DESI2: variants seen among roughly 807,000 people sequenced by gnomAD.
DESI2 encodes the protein desumoylating isopeptidase 2, also known as deubiquitinase DESI2.
Under a neutral mutation model 24.1 loss-of-function variants are expected in DESI2, and 10 were observed. That is an observed-to-expected ratio of 0.41 (90% CI 0.26 to 0.70). The LOEUF is 0.70. Among genes scored for constraint, DESI2 ranks in the 30% least tolerant of loss-of-function variants. DESI2 has a pLI of 0.29. For missense variants in DESI2, 122 were observed against 234.9 expected (o/e 0.52, Z 3.14); for synonymous variants, 71 against 87.7 (o/e 0.81, Z 1.06).
Position 244,705,860 on chromosome 1 carries a change from AG to A in DESI2, c.*72del. On this transcript the variant is annotated 3_prime_UTR_variant, in exon 5 of 5. Coordinates refer to ENST00000302550, the MANE Select transcript of DESI2 (RefSeq NM_016076.5). ...ATCACTAGAGAAAAGTAAACAGAGAAGCATCCTTTAGATATTTTGTATGCAA... is the reference window on the plus strand; with the variant it reads ...ATCACTAGAGAAAAGTAAACAGAGAACATCCTTTAGATATTTTGTATGCAA... The A allele has an allele frequency of 9.3e-7, 1 of 1,071,084 alleles. No homozygotes were observed. Among genetic ancestry groups the A allele is most frequent in the Non-Finnish European group, 1.4e-6 (1 of 737,694 alleles). 66.3% of individuals were successfully genotyped at this position (1,071,084 alleles called of 1,614,324 possible).
At chr1:244,668,711 T>G (rs1214665128) in intron 1 of DESI2, among the ~76,000 whole-genome samples, 2 of 152,206 alleles carry the variant, frequency 1.3e-5, no homozygotes, top group African/African-American at 2.4e-5. Flanking sequence ...ATTAAACTGA[T>G]GAGGGGCAAA....
At chr1:244,655,250 A>C (rs1336813305) in intron 1 of DESI2, among the ~76,000 whole-genome samples, 1 of 152,250 alleles carries the variant, frequency 6.6e-6, no homozygotes, top group Non-Finnish European at 1.5e-5. Flanking sequence ...AGAGTAAGTG[A>C]TCTGCCTAAA....
chr1:244,654,785 C>T (rs893215995), intron 1 of DESI2, among the ~76,000 whole-genome samples: 1 of 152,186 alleles, frequency 6.6e-6, no homozygotes. Flanking sequence ...CTTTTACTTT[C>T]TCTGTGCACA....
At chr1:244,673,989 C>CT (rs143887006) in intron 1 of DESI2, among the ~76,000 whole-genome samples, 64 of 73,192 alleles carry the variant, frequency 8.7e-4, no homozygotes, top group African/African-American at 3.3e-3. Context: ...ACTTCTGTCT[C>CT]TTTTTTTTTT....
intron 2 of DESI2, among the ~76,000 whole-genome samples, chr1:244,688,263 A>G (rs1676890890): frequency 6.6e-6 from 1 of 152,220 alleles, no homozygotes; most frequent in South Asian, 2.1e-4. Context: ...TAAGAATCCA[A>G]ATATAATCTT....
At chr1:244,653,992 G>A (rs912287362) in intron 1 of DESI2, 7 of 471,092 alleles carry the variant, frequency 1.5e-5, no homozygotes, top group Non-Finnish European at 3.1e-5. Context: ...TCCTGGTGGT[G>A]CTCCTTTCCT....
intron 1 of DESI2, among the ~76,000 whole-genome samples, chr1:244,660,353 A>G (rs894582755): frequency 6.6e-6 from 1 of 152,122 alleles, no homozygotes; most frequent in African/African-American, 2.4e-5. Flanking sequence ...TTTTTAGTAG[A>G]GGCAGGGTTT....
chr1:244,703,581 T>G (rs1056334114), intron 4 of DESI2, among the ~76,000 whole-genome samples: 6 of 151,740 alleles, frequency 4.0e-5, no homozygotes, highest in Non-Finnish European at 7.4e-5. Context: ...GAACTCCTGG[T>G]CTCAAGTAAT....
At position 244,705,824 on chromosome 1, in the gene DESI2, G is replaced by T; in HGVS notation, c.*35G>T. On this transcript the variant is annotated 3_prime_UTR_variant, in exon 5 of 5. Transcript: ENST00000302550. ...AAGTCACACATTCAGAACTGTCTCT[G>T]GCAGTCGAATATCACTAGAGAAAAG... The T allele has an allele frequency of 6.7e-7, 1 of 1,482,034 alleles. No individual in the cohort carries two copies. 91.8% of individuals were successfully genotyped at this position (1,482,034 alleles called of 1,614,324 possible).
chr1:244,660,733 ATAAAT>A (rs1675812666), intron 1 of DESI2, among the ~76,000 whole-genome samples: 1 of 152,234 alleles, frequency 6.6e-6, no homozygotes, highest in Non-Finnish European at 1.5e-5. Flanking sequence ...CTTAAAAACA[ATAAAT>A]TAAAAATCAA....
At chr1:244,694,653 G>A in intron 4 of DESI2, 1 of 803,180 alleles carries the variant, frequency 1.2e-6, no homozygotes, top group Non-Finnish European at 2.3e-6. Flanking sequence ...GTAGGCCTTA[G>A]AGCCACAGCA....
chr1:244,655,945 G>A (rs1675631376), intron 1 of DESI2, among the ~76,000 whole-genome samples: 1 of 152,242 alleles, frequency 6.6e-6, no homozygotes. Flanking sequence ...AGGTTTTCAT[G>A]GAGGGGAACA....
intron 1 of DESI2, among the ~76,000 whole-genome samples, chr1:244,659,122 T>C (rs1675748696): frequency 6.7e-6 from 1 of 150,178 alleles, no homozygotes; most frequent in African/African-American, 2.5e-5. Flanking sequence ...TGAGTCTAGC[T>C]AAGCAAAAGG....
chr1:244,690,374 A>G (rs1676980758), intron 3 of DESI2, among the ~76,000 whole-genome samples: 1 of 152,150 alleles, frequency 6.6e-6, no homozygotes, highest in Non-Finnish European at 1.5e-5. Flanking sequence ...AAATGTTAAT[A>G]ATAAAATTTT....
At chr1:244,694,579 C>T (rs1206585767) in intron 4 of DESI2, 7 of 810,140 alleles carry the variant, frequency 8.6e-6, no homozygotes, top group Admixed American at 1.7e-5. Context: ...TTGGCACTGC[C>T]GTTATACTTT....
chr1:244,683,904 T>G (rs2148802426), intron 1 of DESI2, among the ~76,000 whole-genome samples: 1 of 151,114 alleles, frequency 6.6e-6, no homozygotes, highest in African/African-American at 2.4e-5. Context: ...TGGGTCTCCC[T>G]GTGTTGCCTA....
At chr1:244,686,891 C>T (rs1055922218) in intron 2 of DESI2, among the ~76,000 whole-genome samples, 5 of 152,118 alleles carry the variant, frequency 3.3e-5, no homozygotes, top group African/African-American at 9.7e-5. Flanking sequence ...TATACATTTG[C>T]TTCATTCACT....
chr1:244,671,926 A>T (rs1040941699), intron 1 of DESI2, among the ~76,000 whole-genome samples: 1 of 151,990 alleles, frequency 6.6e-6, no homozygotes, highest in African/African-American at 2.4e-5. Flanking sequence ...TACTGAAGAG[A>T]TGCTATGTGA....
intron 1 of DESI2, among the ~76,000 whole-genome samples, chr1:244,674,288 C>T (rs900803671): frequency 1.3e-5 from 2 of 150,804 alleles, no homozygotes; most frequent in Non-Finnish European, 2.9e-5. Context: ...CTACTGCACC[C>T]GGCCGATTTA....
Sources: gnomAD v4.1 joint callset for allele counts (sites outside exome capture counted in the v4.1 genomes callset) on GRCh38, gnomAD v4.1.1 for gene constraint, MANE v1.5 for transcripts, NCBI Gene and HGNC (gene_info 2026-07-23, HGNC 2026-07-21) for gene names.